Variants in HELLS observed in about 807,000 individuals in gnomAD.
The protein encoded by HELLS is lymphoid-specific helicase.
In HELLS, 32 loss-of-function variants were observed where a neutral mutation model predicts 120.0. That is an observed-to-expected ratio of 0.27 (90% CI 0.20 to 0.36). The LOEUF (loss-of-function observed/expected upper bound fraction) is 0.36, where lower values mean the gene tolerates loss of function less well. Ranked by LOEUF, HELLS falls within the 10% of genes least tolerant of loss-of-function variation. The probability of loss-of-function intolerance (pLI) is 1.00; values close to 1 mark genes in which losing one functional copy is unlikely to be tolerated. For missense variants in HELLS, 650 were observed against 993.4 expected (o/e 0.65, Z 4.65); for synonymous variants, 341 against 323.4 (o/e 1.05, Z -0.58).
At chr10:94,592,891 G>C (rs2134114599) in intron 17 of HELLS, among the ~76,000 whole-genome samples, 1 of 150,340 alleles carries the variant, frequency 6.7e-6, no homozygotes, top group Middle Eastern at 3.5e-3. Context: ...GTTAACATTT[G>C]ACTATACCTT....
At chr10:94,549,329 T>TAA (rs1842877088) in intron 2 of HELLS, among the ~76,000 whole-genome samples, 1 of 152,232 alleles carries the variant, frequency 6.6e-6, no homozygotes. Flanking sequence ...AGAGCTAGCT[T>TAA]AAGTTCCTTA....
At chr10:94,567,935 G>C (rs1843915071) in intron 6 of HELLS, among the ~76,000 whole-genome samples, 1 of 142,056 alleles carries the variant, frequency 7.0e-6, no homozygotes, top group Admixed American at 7.3e-5. Context: ...TTTGGAGAGA[G>C]AGTCTCGCTC....
chr10:94,609,858 G>A (rs1293055799), exon 10 of HELLS: 4 of 152,078 alleles, frequency 2.6e-5, no homozygotes, highest in Non-Finnish European at 5.9e-5. Context: ...ACTAGCACTA[G>A]GGCGCAAGAG....
intron 6 of HELLS, chr10:94,569,655 C>T (rs1844033423): frequency 6.6e-6 from 1 of 152,062 alleles, no homozygotes; most frequent in South Asian, 2.1e-4. Flanking sequence ...GTCATAGTGA[C>T]TACACCTCAA....
In HELLS at chr10:94,590,499, T is replaced by A. The variant is rs940081177; in HGVS notation, c.1575T>A (p.Pro525=). ...SINYSKIDDF[P]NELEKLISQI... is the part of the protein sequence containing the mutation. ...ATTACAGCAAAATAGATGATTTCCC[T>A]AATGAATTGGAAAAACTGATCAGTC... is the stretch of plus-strand genomic sequence containing the variant. Residue 525 remains proline, a synonymous_variant, in exon 14 of 22, where the codon CCT becomes CCA. Coordinates refer to ENST00000348459, the MANE Select transcript of HELLS (RefSeq NM_018063.5). The A allele has an allele frequency of 8.1e-6, 13 of 1,611,766 alleles. No individual in the cohort carries two copies. The African/African-American group carries it at 1.6e-4, about 20-fold the overall frequency.
At chr10:94,576,466 T>G (rs1844491298) in intron 9 of HELLS, among the ~76,000 whole-genome samples, 196 bp from the exon 10 acceptor site, 1 of 151,282 alleles carries the variant, frequency 6.6e-6, no homozygotes, top group Non-Finnish European at 1.5e-5. Flanking sequence ...TTTGTTTTTT[T>G]GTTTGTTTTT....
At chr10:94,551,575 AAAAG>A (rs1186818042) in intron 2 of HELLS, among the ~76,000 whole-genome samples, 2 of 152,130 alleles carry the variant, frequency 1.3e-5, no homozygotes, top group African/African-American at 4.8e-5. Context: ...TCAAAAAAGA[AAAAG>A]AAATATATTT....
Position 94,585,364 on chromosome 10 carries a change from T to A in HELLS, c.1326+2305T>A, listed in dbSNP as rs1319685946. Reference sequence around the variant, plus strand: ...ATAACTAATAGTTTTTTTGTTTTGTTTTTTTTTTTTGTTTGTTTTTGTTTT... The same window carrying A: ...ATAACTAATAGTTTTTTTGTTTTGTATTTTTTTTTTGTTTGTTTTTGTTTT... On this transcript the variant is annotated intron_variant, in intron 12 of 21. Coordinates refer to ENST00000348459, the MANE Select transcript of HELLS (RefSeq NM_018063.5). Among the ~76,000 whole-genome samples the A allele has an allele frequency of 4.4e-5, 2 of 44,996 alleles. 1 individual carries two copies. The highest frequency in any genetic ancestry group is 1.9e-4 in the African/African-American group (2 of 10,710). 29.5% of individuals were successfully genotyped at this position (44,996 alleles called of 152,430 possible).
At position 94,546,516 on chromosome 10, in the gene HELLS, T is replaced by G. The variant is rs746023833; in HGVS notation, c.153+18T>G. The G allele has an allele frequency of 1.2e-6, 2 of 1,613,580 alleles. No homozygotes were observed. Among genetic ancestry groups the G allele is most frequent in the East Asian group, 2.2e-5 (1 of 44,882 alleles). Reference sequence around the variant, plus strand: ...TGGAAAAGGTAATTTAGGCATCAGGTTCGTCGTCGTGAAAGCCTGTGGTAA... The same window carrying G: ...TGGAAAAGGTAATTTAGGCATCAGGGTCGTCGTCGTGAAAGCCTGTGGTAA... On this transcript the variant is annotated intron_variant, in intron 2 of 21. Coordinates refer to ENST00000348459, the MANE Select transcript of HELLS (RefSeq NM_018063.5).
At chr10:94,602,616 ATC>A (rs1356465677), downstream of HELLS, among the ~76,000 whole-genome samples, 1 of 152,138 alleles carries the variant, frequency 6.6e-6, no homozygotes, top group Non-Finnish European at 1.5e-5. Context: ...AGATCAGATG[ATC>A]TGTTAAGGAT....
chr10:94,552,145 CTT>C (rs1843009979), intron 2 of HELLS, among the ~76,000 whole-genome samples: 1 of 152,174 alleles, frequency 6.6e-6, no homozygotes, highest in African/African-American at 2.4e-5. Flanking sequence ...TATTGGTTGA[CTT>C]TGTGTTTTTA....
At chr10:94,574,853 T>C (rs1844353634) in intron 9 of HELLS, 117 bp downstream of exon 9, 2 of 816,582 alleles carry the variant, frequency 2.4e-6, no homozygotes, top group South Asian at 4.2e-5. Flanking sequence ...ATAAATATTT[T>C]GTCTGATTTG....
At chr10:94,604,587 T>A (rs1846106631), downstream of HELLS, among the ~76,000 whole-genome samples, 1 of 152,112 alleles carries the variant, frequency 6.6e-6, no homozygotes, top group Non-Finnish European at 1.5e-5. Flanking sequence ...TTAAAAATTC[T>A]TAGAAATACC....
chr10:94,557,758 C>T (rs1843338801), intron 3 of HELLS, among the ~76,000 whole-genome samples: 1 of 152,234 alleles, frequency 6.6e-6, no homozygotes, highest in Admixed American at 6.5e-5. Flanking sequence ...GTTTTGGATT[C>T]TGTCTCCTCA....
intron 6 of HELLS, among the ~76,000 whole-genome samples, chr10:94,566,250 C>T (rs547141096): frequency 1.1e-4 from 16 of 152,124 alleles, no homozygotes; most frequent in African/African-American, 3.9e-4. Context: ...TGAACCTTTT[C>T]ATCTATGAAA....
At chr10:94,599,490 A>G (rs1312759869) in intron 21 of HELLS, among the ~76,000 whole-genome samples, 2 of 152,176 alleles carry the variant, frequency 1.3e-5, no homozygotes, top group African/African-American at 2.4e-5. Context: ...AGTTGCTGGG[A>G]CTGCAGGTGT....
intron 4 of HELLS, among the ~76,000 whole-genome samples, chr10:94,561,491 G>A (rs547775886): frequency 1.9e-4 from 29 of 151,982 alleles, no homozygotes; most frequent in African/African-American, 6.8e-4. Context: ...TTTTTTAGAG[G>A]TGATGTCTCA....
exon 10 of HELLS, chr10:94,610,351 G>A (rs1212291977): frequency 1.3e-5 from 2 of 152,014 alleles, no homozygotes; most frequent in South Asian, 4.2e-4. Context: ...AGCAGTTTGG[G>A]AGGCTGAGGC....
intron 21 of HELLS, among the ~76,000 whole-genome samples, chr10:94,598,603 G>C (rs1293405156): frequency 1.6e-5 from 2 of 124,692 alleles, no homozygotes; most frequent in Admixed American, 7.8e-5. Context: ...ATATTGGTTG[G>C]AAGTTTTTTT....
Sources: gnomAD v4.1 joint callset for allele counts (sites outside exome capture counted in the v4.1 genomes callset) on GRCh38, gnomAD v4.1.1 for gene constraint, MANE v1.5 for transcripts, NCBI Gene and HGNC (gene_info 2026-07-23, HGNC 2026-07-21) for gene names.